Variants in LRRC1 observed in about 807,000 individuals in gnomAD.
LRRC1 encodes the protein leucine-rich repeat-containing protein 1.
In LRRC1, 28 loss-of-function variants were observed where a neutral mutation model predicts 69.9. The observed-to-expected ratio is 0.40, with a 90% CI of 0.30 to 0.55. The LOEUF (loss-of-function observed/expected upper bound fraction) is 0.55, where lower values mean the gene tolerates loss of function less well. LRRC1 is among the 20% of genes least tolerant of loss of function. LRRC1 has a pLI of 0.47. For missense variants in LRRC1, 498 were observed against 609.0 expected (o/e 0.82, Z 1.92); for synonymous variants, 236 against 240.2 (o/e 0.98, Z 0.16).
chr6:53,919,229 C>CTCTTTTT (rs1467923075), intron 11 of LRRC1: 11 of 72,282 alleles, frequency 1.5e-4, no homozygotes, highest in East Asian at 5.8e-4. Context: ...TTTTCTCTCT[C>CTCTTTTT]TTTTTTTTTT....
At chr6:53,858,402 C>T (rs1373678239) in intron 2 of LRRC1, among the ~76,000 whole-genome samples, 2 of 152,128 alleles carry the variant, frequency 1.3e-5, no homozygotes, top group Non-Finnish European at 2.9e-5. Flanking sequence ...ATGTTGGTGT[C>T]ACACTGTATT....
chr6:53,816,264 T>G (rs1764948352), intron 1 of LRRC1, among the ~76,000 whole-genome samples: 1 of 152,194 alleles, frequency 6.6e-6, no homozygotes, highest in African/African-American at 2.4e-5. Context: ...TTCTGTTTCA[T>G]GTATTTCCTG....
chr6:53,840,129 T>C (rs945361807), intron 1 of LRRC1, among the ~76,000 whole-genome samples: 8 of 152,210 alleles, frequency 5.3e-5, no homozygotes, highest in Non-Finnish European at 1.2e-4. Context: ...TGTTTTTCTT[T>C]TAAGTTTACT....
At chr6:53,909,841 G>C (rs534775285) in intron 10 of LRRC1, among the ~76,000 whole-genome samples, 1 of 152,118 alleles carries the variant, frequency 6.6e-6, no homozygotes, top group Admixed American at 6.5e-5. Context: ...TGCCAATGGG[G>C]TGTGTGTTCA....
chr6:53,879,214 A>G, intron 3 of LRRC1, 143 bp downstream of exon 3: 1 of 612,332 alleles, frequency 1.6e-6, no homozygotes, highest in Non-Finnish European at 2.9e-6. Context: ...TTTCACAGAT[A>G]TTTCTTTATA....
At chr6:53,906,149 A>T (rs1768228382) in intron 10 of LRRC1, among the ~76,000 whole-genome samples, 1 of 152,190 alleles carries the variant, frequency 6.6e-6, no homozygotes, top group Non-Finnish European at 1.5e-5. Context: ...TGCAGTCATG[A>T]TAATTTCTTC....
At chr6:53,901,953 A>G (rs12208080) in intron 8 of LRRC1, among the ~76,000 whole-genome samples, 51,267 of 152,104 alleles carry the variant, frequency 0.34, 9,426 homozygotes, top group South Asian at 0.42. Context: ...TCAATGTGTT[A>G]GCCACTCAGT....
intron 10 of LRRC1, among the ~76,000 whole-genome samples, chr6:53,909,234 A>T (rs931839190): frequency 7.9e-5 from 12 of 152,234 alleles, no homozygotes; most frequent in Admixed American, 7.8e-4. Context: ...TATGAGGTAT[A>T]GGTAAACCAT....
intron 3 of LRRC1, among the ~76,000 whole-genome samples, chr6:53,879,332 G>T (rs1014309504): frequency 6.6e-6 from 1 of 152,178 alleles, no homozygotes; most frequent in Non-Finnish European, 1.5e-5. Context: ...GATGAGGAGT[G>T]CATTTCTGAA....
At chr6:53,883,764 C>A (rs980837637) in intron 4 of LRRC1, among the ~76,000 whole-genome samples, 12 of 152,210 alleles carry the variant, frequency 7.9e-5, no homozygotes, top group African/African-American at 2.9e-4. Context: ...TCCCTAGCAT[C>A]ATAAATGATT....
intron 13 of LRRC1, 142 bp from the exon 14 acceptor site, chr6:53,922,493 C>A: frequency 1.5e-6 from 1 of 670,334 alleles, no homozygotes; most frequent in Non-Finnish European, 2.4e-6. Context: ...AATGCACATA[C>A]ATCCAAAGAA....
chr6:53,809,436 C>T (rs550491441), intron 1 of LRRC1, among the ~76,000 whole-genome samples: 3 of 152,108 alleles, frequency 2.0e-5, no homozygotes, highest in Admixed American at 6.5e-5. Flanking sequence ...TGCCCCACAC[C>T]GCTGGTAACT....
chr6:53,855,514 C>T (rs750701029), intron 2 of LRRC1, among the ~76,000 whole-genome samples: 3 of 152,168 alleles, frequency 2.0e-5, no homozygotes, highest in Admixed American at 6.5e-5. Flanking sequence ...CTGCAGAGGC[C>T]GAAACGAAGT....
At chr6:53,907,189 G>A (rs1181217132) in intron 10 of LRRC1, among the ~76,000 whole-genome samples, 1 of 152,168 alleles carries the variant, frequency 6.6e-6, no homozygotes, top group Non-Finnish European at 1.5e-5. Flanking sequence ...TTCCTGATTG[G>A]ATTCTTCCAA....
At chr6:53,841,353 G>A (rs954098779) in intron 1 of LRRC1, among the ~76,000 whole-genome samples, 1 of 152,140 alleles carries the variant, frequency 6.6e-6, no homozygotes, top group East Asian at 1.9e-4. Flanking sequence ...CGCCCCACAG[G>A]CTTAAATTTC....
intron 1 of LRRC1, among the ~76,000 whole-genome samples, chr6:53,819,033 G>A (rs760429245): frequency 1.3e-5 from 2 of 152,160 alleles, no homozygotes; most frequent in Non-Finnish European, 2.9e-5. Context: ...TGAGAGACTG[G>A]AGAGGCAGTA....
Position 53,812,462 on chromosome 6 carries a change from G to A in LRRC1, c.159+17047G>A, listed in dbSNP as rs571823727. The stretch of plus-strand genomic sequence containing the variant: ...TCCCAGCACTTTGGGAGGCCGAGGC[G>A]GGCGGATCACGAGGTCAGGAGATCG... On this transcript the variant is annotated intron_variant, in intron 1 of 13. Coordinates refer to ENST00000370888, the MANE Select transcript of LRRC1 (RefSeq NM_018214.5). Among the ~76,000 whole-genome samples the A allele has an allele frequency of 1.1e-3, 172 of 150,808 alleles. 1 individual carries two copies. The highest frequency in any genetic ancestry group is 2.2e-3 in the Non-Finnish European group (148 of 67,582).
In LRRC1 at chr6:53,902,613, CA is replaced by C. The variant is rs1211207632; in HGVS notation, c.788-15del. On this transcript the variant is annotated splice_polypyrimidine_tract_variant and intron_variant, in intron 8 of 13. Coordinates refer to ENST00000370888, the MANE Select transcript of LRRC1 (RefSeq NM_018214.5). Reference sequence around the variant, plus strand: ...AACTAATGAATTTGATAATAATAATCATAATGCTTTTACAGGAAAACTAAAG... The same window carrying C: ...AACTAATGAATTTGATAATAATAATCTAATGCTTTTACAGGAAAACTAAAG... 7.0e-7 allele frequency: 1 copy of C among 1,423,284 alleles called. No homozygotes were observed. 88.2% of individuals were successfully genotyped at this position (1,423,284 alleles called of 1,614,324 possible). A position where few individuals can be genotyped will look rare whatever the true frequency, so the allele number is the denominator to read the frequency against.
intron 1 of LRRC1, among the ~76,000 whole-genome samples, chr6:53,812,840 G>T (rs1343319021): frequency 6.6e-6 from 1 of 152,028 alleles, no homozygotes; most frequent in Non-Finnish European, 1.5e-5. Context: ...GGAGCATGGG[G>T]TGCCTTGGGG....
Sources: allele counts gnomAD v4.1 joint callset (sites outside exome capture counted in the v4.1 genomes callset), GRCh38; gene constraint gnomAD v4.1.1; transcripts MANE v1.5; gene names NCBI Gene and HGNC (gene_info 2026-07-23, HGNC 2026-07-21).